SETD3: variants seen among roughly 807,000 people sequenced by gnomAD.
SETD3 encodes actin-histidine N-methyltransferase.
A neutral mutation model predicts 63.0 loss-of-function variants in SETD3; 19 were observed. The observed-to-expected ratio is 0.30, with a 90% CI of 0.21 to 0.44. The LOEUF is 0.44. SETD3 is among the 20% of genes least tolerant of loss of function. The pLI, the probability that SETD3 is intolerant of heterozygous loss-of-function variation, is 1.00. For missense variants in SETD3, 587 were observed against 728.5 expected (o/e 0.81, Z 2.24); for synonymous variants, 286 against 264.1 (o/e 1.08, Z -0.80).
intron 6 of SETD3, among the ~76,000 whole-genome samples, chr14:99,450,699 A>G (rs1049236964): frequency 4.6e-5 from 7 of 152,254 alleles, no homozygotes; most frequent in Admixed American, 1.3e-4. Context: ...GAGTTTCTCC[A>G]TCTCCATACC....
In SETD3 at chr14:99,456,723, T is replaced by G. The variant is rs554372672; in HGVS notation, c.675+1556A>C. Among the ~76,000 whole-genome samples the G allele has an allele frequency of 2.4e-3, 369 of 152,340 alleles. 1 individual carries two copies. Among genetic ancestry groups the G allele is most frequent in the African/African-American group, 8.5e-3 (355 of 41,580 alleles). On this transcript the variant is annotated intron_variant, in intron 6 of 12. Coordinates refer to ENST00000331768, the MANE Select transcript of SETD3 (RefSeq NM_032233.3). ...TTGACAAAAAATGGTTCCATCTATA[T>G]GAACAGAGTATTTTAGTGACTCACA...
At position 99,463,522 on chromosome 14, in the gene SETD3, G is replaced by A. The variant is rs776446943; in HGVS notation, c.160C>T (p.Arg54Trp). Reference sequence around the variant, plus strand: ...TTCCGTATTTTCTCAACCAGAGTCCGGATCTGCACATACTCTTCCCACTCT... The same window carrying A: ...TTCCGTATTTTCTCAACCAGAGTCCAGATCTGCACATACTCTTCCCACTCT... ...GKEWEEYVQI[R>W]TLVEKIRKKQ... is the part of the protein sequence containing the mutation. Residue 54 changes from arginine to tryptophan, a missense_variant, in exon 3 of 13, where the codon CGG becomes TGG. Coordinates refer to ENST00000331768, the MANE Select transcript of SETD3 (RefSeq NM_032233.3). The A allele has an allele frequency of 7.4e-6, 12 of 1,613,920 alleles. No homozygotes were observed. The highest frequency in any genetic ancestry group is 2.2e-5 in the East Asian group (1 of 44,882).
chr14:99,406,485 C>CT (rs1891689095), intron 9 of SETD3, 31 bp downstream of exon 9: 1 of 1,608,064 alleles, frequency 6.2e-7, no homozygotes, highest in African/African-American at 1.3e-5. Context: ...CACTGGCTGG[C>CT]TCACATTTTG....
chr14:99,431,156 A>G (rs764123775), intron 6 of SETD3, among the ~76,000 whole-genome samples: 8 of 152,242 alleles, frequency 5.3e-5, no homozygotes, highest in African/African-American at 1.2e-4. Flanking sequence ...CTGCACAAAT[A>G]TAACACATAA....
At chr14:99,449,513 T>C (rs140266404) in intron 6 of SETD3, among the ~76,000 whole-genome samples, 194 of 152,298 alleles carry the variant, frequency 1.3e-3, no homozygotes, top group Non-Finnish European at 2.4e-3. Context: ...ATCCAACAAA[T>C]GCATACTGAG....
chr14:99,422,469 T>G (rs1347751774), intron 6 of SETD3, among the ~76,000 whole-genome samples: 2 of 152,184 alleles, frequency 1.3e-5, no homozygotes, highest in African/African-American at 4.8e-5. Flanking sequence ...ACATTCTGCT[T>G]TTAAGCCTAA....
upstream of SETD3, chr14:99,481,436 T>G (rs1896312590): frequency 7.5e-6 from 3 of 398,684 alleles, no homozygotes; most frequent in Non-Finnish European, 1.3e-5. Flanking sequence ...ATGGCCGCAG[T>G]CGGCAAGGAG....
At chr14:99,465,574 C>T (rs562797556) in intron 2 of SETD3, 129 bp downstream of exon 2, 1 of 679,044 alleles carries the variant, frequency 1.5e-6, no homozygotes, top group South Asian at 2.0e-5. Flanking sequence ...GTGACTCGCC[C>T]AGGCCCACAG....
At position 99,422,442 on chromosome 14, in the gene SETD3, G is replaced by A. The variant is rs1296413740; in HGVS notation, c.676-8508C>T. On this transcript the variant is annotated intron_variant, in intron 6 of 12. Coordinates refer to ENST00000331768, the MANE Select transcript of SETD3 (RefSeq NM_032233.3). ...CTTATTGTCATGTTGTTAGGGAAAT[G>A]AACTTTGGTCCCTTAAACATTCTGC... Among the ~76,000 whole-genome samples, 5 of 152,154 alleles carry A rather than the reference G, an allele frequency of 3.3e-5. No homozygotes were observed. In the East Asian group the frequency reaches 7.7e-4, roughly 23 times the overall value.
At chr14:99,422,233 T>C (rs939776017) in intron 6 of SETD3, among the ~76,000 whole-genome samples, 1 of 152,210 alleles carries the variant, frequency 6.6e-6, no homozygotes, top group Non-Finnish European at 1.5e-5. Flanking sequence ...ATATTTGGCA[T>C]TTTCTTCACT....
intron 8 of SETD3, 76 bp downstream of exon 8, chr14:99,412,875 G>C (rs780510616): frequency 9.6e-7 from 1 of 1,044,424 alleles, no homozygotes; most frequent in South Asian, 1.3e-5. Flanking sequence ...TGGGTAGGTG[G>C]AATAACAGCC....
intron 4 of SETD3, among the ~76,000 whole-genome samples, chr14:99,460,759 T>C (rs1412308778): frequency 6.6e-6 from 1 of 152,186 alleles, no homozygotes; most frequent in South Asian, 2.1e-4. Flanking sequence ...GCCACTGGTA[T>C]TGCCATTTCA....
intron 8 of SETD3, among the ~76,000 whole-genome samples, chr14:99,410,911 A>G (rs1473194361): frequency 6.6e-6 from 1 of 152,256 alleles, no homozygotes; most frequent in Admixed American, 6.5e-5. Context: ...GTCAGGGTAG[A>G]CTGACAATAA....
At chr14:99,438,575 C>T (rs371990241) in intron 6 of SETD3, among the ~76,000 whole-genome samples, 27 of 152,320 alleles carry the variant, frequency 1.8e-4, no homozygotes, top group African/African-American at 6.0e-4. Flanking sequence ...CAAGATCATC[C>T]TTATCTCCCG....
chr14:99,426,572 TG>T (rs1414321690), intron 6 of SETD3, among the ~76,000 whole-genome samples: 1 of 152,208 alleles, frequency 6.6e-6, no homozygotes, highest in Non-Finnish European at 1.5e-5. Context: ...CTGCTGGACC[TG>T]GCAAACAGAA....
At chr14:99,414,285 G>A (rs1376402857) in intron 6 of SETD3, among the ~76,000 whole-genome samples, 2 of 152,260 alleles carry the variant, frequency 1.3e-5, no homozygotes, top group Non-Finnish European at 2.9e-5. Flanking sequence ...AGCCGCCCAA[G>A]CCAGGTCCAT....
At chr14:99,467,871 A>G (rs1895479967) in intron 1 of SETD3, among the ~76,000 whole-genome samples, 1 of 152,134 alleles carries the variant, frequency 6.6e-6, no homozygotes, top group Admixed American at 6.5e-5. Context: ...CACCTCCTCC[A>G]AAGTCTTCTC....
At chr14:99,468,623 T>C (rs1895527477) in intron 1 of SETD3, among the ~76,000 whole-genome samples, 1 of 145,498 alleles carries the variant, frequency 6.9e-6, no homozygotes, top group Non-Finnish European at 1.5e-5. Context: ...GACGTCATCA[T>C]GTACCTCCTA....
At chr14:99,482,384 G>C (rs1896363080), upstream of SETD3, among the ~76,000 whole-genome samples, 1 of 152,238 alleles carries the variant, frequency 6.6e-6, no homozygotes, top group Non-Finnish European at 1.5e-5. Context: ...GGAGCTTTCA[G>C]CGCCTAGAAC....
Sources: gnomAD v4.1 joint callset for allele counts (sites outside exome capture counted in the v4.1 genomes callset) on GRCh38, gnomAD v4.1.1 for gene constraint, MANE v1.5 for transcripts, NCBI Gene and HGNC (gene_info 2026-07-23, HGNC 2026-07-21) for gene names.